GALNT18: variants seen among roughly 807,000 people sequenced by gnomAD.
The protein encoded by GALNT18 is GalNAc-transferase 18.
A neutral mutation model predicts 69.5 loss-of-function variants in GALNT18; 44 were observed. The ratio of observed to expected loss-of-function variants is 0.63; its 90% confidence interval spans 0.50 to 0.81. The LOEUF (loss-of-function observed/expected upper bound fraction) is 0.81. GALNT18 is among the 40% of genes least tolerant of loss of function. The probability of loss-of-function intolerance (pLI) is 0.00; values close to 1 mark genes in which losing one functional copy is unlikely to be tolerated. For missense variants in GALNT18, 715 were observed against 810.0 expected (o/e 0.88, Z 1.42); for synonymous variants, 364 against 318.2 (o/e 1.14, Z -1.53).
chr11:11,425,154 G>C (rs1171529934), intron 3 of GALNT18, among the ~76,000 whole-genome samples: 1 of 152,230 alleles, frequency 6.6e-6, no homozygotes, highest in Non-Finnish European at 1.5e-5. Flanking sequence ...TGTTGGGAGG[G>C]ACAGTTTCCT....
In GALNT18 at chr11:11,541,876, C is replaced by G. The variant is rs1231227964; in HGVS notation, c.235+79483G>C. Among the ~76,000 whole-genome samples, 2 of 152,196 alleles carry G rather than the reference C, an allele frequency of 1.3e-5. No individual in the cohort carries two copies. Among genetic ancestry groups the G allele is most frequent in the African/African-American group, 2.4e-5 (1 of 41,438 alleles). On this transcript the variant is annotated intron_variant, in intron 1 of 10. Coordinates refer to ENST00000227756, the MANE Select transcript of GALNT18 (RefSeq NM_198516.3). This position sits in a 1 kb window ranked among gnomAD's most constrained non-coding sequence, Gnocchi z 4.8. The stretch of plus-strand genomic sequence containing the variant: ...GGTTGCTTTCCCTCAGCCTGGCCAC[C>G]CTTCCAGAGAGCTGTCCTGACACAC...
intron 6 of GALNT18, among the ~76,000 whole-genome samples, chr11:11,357,092 G>A (rs1046181391): frequency 2.6e-5 from 4 of 151,964 alleles, no homozygotes; most frequent in African/African-American, 9.7e-5. Flanking sequence ...GCTGCTTGGG[G>A]TACCGAAATG....
chr11:11,463,501 C>T lies in GALNT18; in HGVS notation c.236-14565G>A, dbSNP rs1437290843. ...CCAGCGAGGTTGAGGTCTGCTTACA[C>T]GTCCCCTGGGAGCCCTAGCTGTTGT... On this transcript the variant is annotated intron_variant, in intron 1 of 10. Coordinates refer to ENST00000227756, the MANE Select transcript of GALNT18 (RefSeq NM_198516.3). The surrounding 1 kb of genome is among the most constrained non-coding windows in gnomAD (Gnocchi z 4.2). Among the ~76,000 whole-genome samples, 2 of 152,106 alleles carry T rather than the reference C, an allele frequency of 1.3e-5. No homozygotes were observed. The highest frequency in any genetic ancestry group is 2.9e-5 in the Non-Finnish European group (2 of 68,022).
chr11:11,296,420 T>A (rs7117449), intron 9 of GALNT18, among the ~76,000 whole-genome samples: 1 of 152,036 alleles, frequency 6.6e-6, no homozygotes, highest in East Asian at 1.9e-4. Flanking sequence ...TTGAATGCAC[T>A]GTGACCTCCT....
At chr11:11,609,943 C>G (rs1228542998) in intron 1 of GALNT18, among the ~76,000 whole-genome samples, 4 of 152,150 alleles carry the variant, frequency 2.6e-5, no homozygotes, top group Non-Finnish European at 5.9e-5. Context: ...CAAAATAAAG[C>G]TGTGGCCTGA....
intron 10 of GALNT18, among the ~76,000 whole-genome samples, chr11:11,278,517 AAAAG>A (rs900404261): frequency 6.6e-6 from 1 of 152,130 alleles, no homozygotes; most frequent in Non-Finnish European, 1.5e-5. Context: ...GTATAAAAAA[AAAAG>A]GGAGATTGTT....
chr11:11,346,159 A>G (rs1045949080), intron 6 of GALNT18, among the ~76,000 whole-genome samples: 14 of 152,086 alleles, frequency 9.2e-5, no homozygotes, highest in African/African-American at 3.4e-4. Context: ...TCTTCATAAC[A>G]CTTACTCAAA....
rs1858299760 is a variant in GALNT18, at chr11:11,555,191, G to C, written c.235+66168C>G. Among the ~76,000 whole-genome samples, 1 of 152,150 alleles carries C rather than the reference G, an allele frequency of 6.6e-6. No homozygotes were observed. Among genetic ancestry groups the C allele is most frequent in the Non-Finnish European group, 1.5e-5 (1 of 68,040 alleles). ...CTCAGGATCCCTGATGGGCTGCTCA[G>C]GGCGGGGGTGCCTATCCCCACCCCA... On this transcript the variant is annotated intron_variant, in intron 1 of 10. Transcript: ENST00000227756. This position sits in a 1 kb window ranked among gnomAD's most constrained non-coding sequence, Gnocchi z 4.7.
intron 8 of GALNT18, among the ~76,000 whole-genome samples, chr11:11,331,652 G>C (rs1850018628): frequency 6.6e-6 from 1 of 152,198 alleles, no homozygotes; most frequent in Admixed American, 6.5e-5. Flanking sequence ...AGGAATCAGA[G>C]TGACACCAGA....
intron 1 of GALNT18, among the ~76,000 whole-genome samples, chr11:11,570,951 C>G (rs768476138): frequency 6.6e-6 from 1 of 152,186 alleles, no homozygotes; most frequent in Non-Finnish European, 1.5e-5. Flanking sequence ...GTATTAGTAA[C>G]AGTTAACATC....
chr11:11,574,804 AAGGACAG>A (rs1236369409), intron 1 of GALNT18, among the ~76,000 whole-genome samples: 3 of 152,226 alleles, frequency 2.0e-5, no homozygotes, highest in Non-Finnish European at 4.4e-5. Context: ...TTAGGAAAGC[AAGGACAG>A]AGCAGAAGCA....
intron 9 of GALNT18, among the ~76,000 whole-genome samples, chr11:11,319,034 G>A (rs992273027): frequency 1.4e-4 from 22 of 151,876 alleles, no homozygotes; most frequent in Admixed American, 3.3e-4. Context: ...TTATTTTGAC[G>A]TTTTTCTTTA....
Position 11,432,633 on chromosome 11 carries a change from T to C in GALNT18, c.583A>G (p.Asn195Asp). The change falls in exon 3 of 11, where the codon AAC (asparagine) becomes GAC (aspartate). Residue 195 changes from asparagine to aspartate, a missense_variant. Physicochemically the swap from Asn to Asp is conservative, Grantham distance 23 (BLOSUM62 1). Transcript: ENST00000227756. This position sits in a 1 kb window ranked among gnomAD's most constrained non-coding sequence, Gnocchi z 5.8. Reference protein sequence around the residue: ...LLKEIILVDDNSSNEELKEKL... With the variant: ...LLKEIILVDDDSSNEELKEKL... ...CTCCGACACTCACCGTTACTGCTGT[T>C]GTCATCCACCAGAATGATCTCCTTG... 1 of 1,608,776 alleles carries C rather than the reference T, an allele frequency of 6.2e-7. No homozygotes were observed. Among genetic ancestry groups the C allele is most frequent in the Non-Finnish European group, 8.5e-7 (1 of 1,177,526 alleles).
chr11:11,296,891 A>T (rs1278027800), intron 9 of GALNT18, among the ~76,000 whole-genome samples: 1 of 152,232 alleles, frequency 6.6e-6, no homozygotes, highest in Non-Finnish European at 1.5e-5. Flanking sequence ...AGCCCAGCCT[A>T]GCGGATTAAA....
At position 11,461,138 on chromosome 11, in the gene GALNT18, T is replaced by C. The variant is rs1856033098; in HGVS notation, c.236-12202A>G. Among the ~76,000 whole-genome samples the C allele has an allele frequency of 6.6e-6, 1 of 152,140 alleles. No individual in the cohort carries two copies. Among genetic ancestry groups the C allele is most frequent in the South Asian group, 2.1e-4 (1 of 4,830 alleles). Reference sequence around the variant, plus strand: ...GACTCTGCAAGCTTAGTCCAGATACTACAGGATGATCTCTCTCCGTCAGAA... The same window carrying C: ...GACTCTGCAAGCTTAGTCCAGATACCACAGGATGATCTCTCTCCGTCAGAA... On this transcript the variant is annotated intron_variant, in intron 1 of 10. Transcript: ENST00000227756. This position sits in a 1 kb window ranked among gnomAD's most constrained non-coding sequence, Gnocchi z 4.1.
chr11:11,581,184 C>A (rs1859072086), intron 1 of GALNT18, among the ~76,000 whole-genome samples: 1 of 152,294 alleles, frequency 6.6e-6, no homozygotes, highest in South Asian at 2.1e-4. Context: ...TGAGGTGGGG[C>A]AGGGCTGGAG....
chr11:11,399,823 C>T (rs1290147852), intron 3 of GALNT18, among the ~76,000 whole-genome samples: 2 of 152,182 alleles, frequency 1.3e-5, no homozygotes, highest in African/African-American at 2.4e-5. Context: ...ACTGAATACT[C>T]AATAGGTGCT....
At position 11,430,866 on chromosome 11, in the gene GALNT18, A is replaced by G. The variant is rs1171418306; in HGVS notation, c.595+1755T>C. 2.0e-5 allele frequency among the ~76,000 whole-genome samples: 3 copies of G among 152,150 alleles called. No individual in the cohort carries two copies. The highest frequency in any genetic ancestry group is 1.9e-4 in the East Asian group (1 of 5,198). Reference sequence around the variant, plus strand: ...TTCAAGATGCCCTTTTCCCCCGCCAATATAATAAAGCATGACCAAATTCCT... The same window carrying G: ...TTCAAGATGCCCTTTTCCCCCGCCAGTATAATAAAGCATGACCAAATTCCT... On this transcript the variant is annotated intron_variant, in intron 3 of 10. Coordinates refer to ENST00000227756, the MANE Select transcript of GALNT18 (RefSeq NM_198516.3). This position sits in a 1 kb window ranked among gnomAD's most constrained non-coding sequence, Gnocchi z 4.9.
chr11:11,277,715 GGTTT>G (rs1848980473), intron 10 of GALNT18, among the ~76,000 whole-genome samples: 1 of 152,172 alleles, frequency 6.6e-6, no homozygotes, highest in South Asian at 2.1e-4. Flanking sequence ...TGTTCTCATT[GGTTT>G]CAAAGAACAT....
Sources: gnomAD v4.1 joint callset for allele counts (sites outside exome capture counted in the v4.1 genomes callset) on GRCh38, gnomAD v4.1.1 for gene constraint, Gnocchi (gnomAD v3.1) non-coding constraint, MANE v1.5 for transcripts, NCBI Gene and HGNC (gene_info 2026-07-23, HGNC 2026-07-21) for gene names.